The following PDE3A variants were observed in gnomAD, a reference collection of about 807,000 sequenced individuals.
The protein encoded by PDE3A is phosphodiesterase 3A.
A neutral mutation model predicts 98.3 loss-of-function variants in PDE3A; 43 were observed. The ratio of observed to expected loss-of-function variants is 0.44; its 90% CI spans 0.34 to 0.56. The LOEUF (loss-of-function observed/expected upper bound fraction) is 0.56. PDE3A is among the 20% of genes least tolerant of loss of function. The pLI is 0.01. For synonymous variants in PDE3A, 663 were observed against 567.9 expected, an observed-to-expected ratio of 1.17 and a Z score of -2.38; for missense variants, 1,427 against 1,440.7, an observed-to-expected ratio of 0.99 and a Z score of 0.15.
chr12:20,496,904 C>T (rs61596305), intron 1 of PDE3A, among the ~76,000 whole-genome samples: 13,314 of 152,108 alleles, frequency 0.088, 1,377 homozygotes, highest in African/African-American at 0.25. Flanking sequence ...TGTAATTTAT[C>T]TTACTAATGA....
At chr12:20,449,727 G>A in intron 1 of PDE3A, 1 of 476,654 alleles carries the variant, frequency 2.1e-6, no homozygotes, top group Non-Finnish European at 3.8e-6. Context: ...TATTCAGCTA[G>A]GTCAGCCTGA....
At chr12:20,600,711 C>T (rs191327234) in intron 2 of PDE3A, among the ~76,000 whole-genome samples, 94 of 152,198 alleles carry the variant, frequency 6.2e-4, no homozygotes, top group South Asian at 1.5e-3. Flanking sequence ...TCACTGTTTT[C>T]TGGACAGTGC....
chr12:20,568,453 C>T (rs968396674), intron 2 of PDE3A, among the ~76,000 whole-genome samples: 1 of 151,778 alleles, frequency 6.6e-6, no homozygotes, highest in African/African-American at 2.4e-5. Flanking sequence ...GGTTGTGGAA[C>T]TTTTAATCAG....
chr12:20,453,473 C>G (rs1379497254), intron 1 of PDE3A, among the ~76,000 whole-genome samples: 1 of 152,012 alleles, frequency 6.6e-6, no homozygotes, highest in Admixed American at 6.6e-5. Flanking sequence ...AGCCACTGTG[C>G]CTGGCCCAAA....
chr12:20,650,887 T>A lies in PDE3A; in HGVS notation c.2925+287T>A, dbSNP rs563027906. Among the ~76,000 whole-genome samples, 22 of 152,254 alleles carry A rather than the reference T, an allele frequency of 1.4e-4. No individual in the cohort carries two copies. In the South Asian group the frequency reaches 4.6e-3, roughly 32 times the overall value. On this transcript the variant is annotated intron_variant, in intron 14 of 15. Transcript: ENST00000359062. Reference sequence around the variant, plus strand: ...AGGAAGATCCTTGAAATACTGTTTTTTTATAGATTTATTTATTATCATAGA... The same window carrying A: ...AGGAAGATCCTTGAAATACTGTTTTATTATAGATTTATTTATTATCATAGA...
chr12:20,638,959 C>T (rs1014978008), intron 9 of PDE3A, among the ~76,000 whole-genome samples: 4 of 152,006 alleles, frequency 2.6e-5, no homozygotes, highest in African/African-American at 9.7e-5. Flanking sequence ...CCCAGGATTC[C>T]AAAGCAGATT....
chr12:20,547,819 A>T lies in PDE3A; in HGVS notation c.961-8841A>T, dbSNP rs537047160. Among the ~76,000 whole-genome samples the T allele has an allele frequency of 2.0e-5, 3 of 152,238 alleles. No homozygotes were observed. The East Asian group carries it at 5.8e-4, about 29-fold the overall frequency. On this transcript the variant is annotated intron_variant, in intron 1 of 15. Transcript: ENST00000359062. ...AACAACAGGAGAAAAACATATAAACATGAAAGCAAAATATTTTACCTACAG... is the reference window on the plus strand; with the variant it reads ...AACAACAGGAGAAAAACATATAAACTTGAAAGCAAAATATTTTACCTACAG...
chr12:20,392,487 A>G (rs910991070), intron 1 of PDE3A, among the ~76,000 whole-genome samples: 1 of 151,096 alleles, frequency 6.6e-6, no homozygotes, highest in South Asian at 2.1e-4. Context: ...AGCCTGGGCA[A>G]CATAGTGAGA....
intron 4 of PDE3A, among the ~76,000 whole-genome samples, chr12:20,620,437 G>A (rs988508172): frequency 3.3e-5 from 5 of 151,960 alleles, no homozygotes; most frequent in Admixed American, 2.0e-4. Context: ...CACAACTTTC[G>A]AAATTCCCTT....
Position 20,552,069 on chromosome 12 carries a change from T to A in PDE3A, c.961-4591T>A. 6.2e-7 allele frequency: 1 copy of A among 1,612,238 alleles called. No individual in the cohort carries two copies. Among genetic ancestry groups the A allele is most frequent in the Non-Finnish European group, 8.5e-7 (1 of 1,179,796 alleles). ...ATGGGAATTTTTTCACATACACGGG[T>A]AGTGGTGGTCGAGAGCTTTCCGGCA... On this transcript the variant is annotated intron_variant, in intron 1 of 15. Transcript: ENST00000359062. This position sits in a 1 kb window ranked among gnomAD's most constrained non-coding sequence, Gnocchi z 5.1.
intron 1 of PDE3A, among the ~76,000 whole-genome samples, chr12:20,555,224 G>A (rs1014997185): frequency 6.6e-6 from 1 of 152,112 alleles, no homozygotes; most frequent in Non-Finnish European, 1.5e-5. Context: ...GGGTTGACCC[G>A]TCTGGTCTCG....
In PDE3A at chr12:20,439,418, T is replaced by C. The variant is rs1394224652; in HGVS notation, c.960+69174T>C. On this transcript the variant is annotated intron_variant, in intron 1 of 15. Coordinates refer to ENST00000359062, the MANE Select transcript of PDE3A (RefSeq NM_000921.5). ...CCTGAATGAAGTTTTATTATACTCA[T>C]TGATTCTTTATATGCATGAAAGGGG... 3.3e-5 allele frequency among the ~76,000 whole-genome samples: 5 copies of C among 152,192 alleles called. No homozygotes were observed. The East Asian group carries it at 9.6e-4, about 29-fold the overall frequency.
chr12:20,632,873 C>A (rs1944412912), intron 6 of PDE3A, among the ~76,000 whole-genome samples: 1 of 151,484 alleles, frequency 6.6e-6, no homozygotes. Flanking sequence ...TCTATTTCAA[C>A]CTATGCTGTC....
chr12:20,648,555 A>G, intron 12 of PDE3A, 133 bp from the exon 13 acceptor site: 1 of 647,474 alleles, frequency 1.5e-6, no homozygotes, highest in Non-Finnish European at 2.8e-6. Flanking sequence ...AGTGATTCTT[A>G]ATAAGCAGGA....
In PDE3A at chr12:20,571,810, C is replaced by A. The variant is rs114176395; in HGVS notation, c.1011+15100C>A. Reference sequence around the variant, plus strand: ...AATGCATTTATCATAGAACTTAGAACACTATGCAAAATTTCCCACTAGACT... The same window carrying A: ...AATGCATTTATCATAGAACTTAGAAAACTATGCAAAATTTCCCACTAGACT... On this transcript the variant is annotated intron_variant, in intron 2 of 15. Coordinates refer to ENST00000359062, the MANE Select transcript of PDE3A (RefSeq NM_000921.5). 5.3e-3 allele frequency: 2,880 copies of A among 548,126 alleles called. 76 individuals are homozygous for A. The African/African-American group carries it at 0.055, about 10-fold the overall frequency. 34.0% of individuals were successfully genotyped at this position (548,126 alleles called of 1,614,324 possible).
intron 2 of PDE3A, among the ~76,000 whole-genome samples, chr12:20,558,830 T>A (rs1013610014): frequency 6.6e-6 from 1 of 152,144 alleles, no homozygotes; most frequent in Non-Finnish European, 1.5e-5. Context: ...TCAGACAAGT[T>A]GCACTTGAAC....
chr12:20,413,581 G>T (rs1249348357), intron 1 of PDE3A, among the ~76,000 whole-genome samples: 1 of 152,190 alleles, frequency 6.6e-6, no homozygotes, highest in Non-Finnish European at 1.5e-5. Flanking sequence ...GGAACAGAGA[G>T]CATGGAGAAA....
intron 1 of PDE3A, among the ~76,000 whole-genome samples, chr12:20,514,060 G>A (rs1946273813): frequency 6.6e-6 from 1 of 152,082 alleles, no homozygotes; most frequent in Non-Finnish European, 1.5e-5. Context: ...AAAATAACAT[G>A]GGAATAGGTA....
chr12:20,483,158 A>G (rs545733777), intron 1 of PDE3A, among the ~76,000 whole-genome samples: 110 of 152,194 alleles, frequency 7.2e-4, no homozygotes, highest in African/African-American at 2.6e-3. Context: ...TGGGAGGCCG[A>G]GGTGGGCGGA....
Sources: allele counts gnomAD v4.1 joint callset (sites outside exome capture counted in the v4.1 genomes callset), GRCh38; gene constraint gnomAD v4.1.1; non-coding constraint Gnocchi (gnomAD v3.1); transcripts MANE v1.5; gene names NCBI Gene and HGNC (gene_info 2026-07-23, HGNC 2026-07-21).